The following SEPHS1 variants were observed in gnomAD, a reference collection of about 807,000 sequenced individuals.
SEPHS1 encodes the protein selenophosphate synthetase 1.
Under a neutral mutation model 39.2 loss-of-function variants are expected in SEPHS1, and 7 were observed. The ratio of observed to expected loss-of-function variants is 0.18; its 90% CI spans 0.10 to 0.34. The LOEUF (loss-of-function observed/expected upper bound fraction) is 0.34. Ranked by LOEUF, SEPHS1 falls within the 10% of genes least tolerant of loss-of-function variation. The pLI is 1.00. For missense variants in SEPHS1, 253 were observed against 514.5 expected (o/e 0.49, Z 4.92); for synonymous variants, 190 against 195.5 (o/e 0.97, Z 0.23).
At chr10:13,331,833 C>G (rs1833481120) in intron 5 of SEPHS1, among the ~76,000 whole-genome samples, 1 of 152,342 alleles carries the variant, frequency 6.6e-6, no homozygotes. Flanking sequence ...CAAATCAAAA[C>G]CACAAAGACA....
chr10:13,337,264 C>T (rs1833664471), intron 3 of SEPHS1, among the ~76,000 whole-genome samples: 2 of 152,006 alleles, frequency 1.3e-5, no homozygotes, highest in Non-Finnish European at 2.9e-5. Context: ...GGGCTGAAGT[C>T]ATATTGTTTT....
At chr10:13,325,094 T>G (rs1361447366) in intron 7 of SEPHS1, among the ~76,000 whole-genome samples, 1 of 152,222 alleles carries the variant, frequency 6.6e-6, no homozygotes, top group African/African-American at 2.4e-5. Flanking sequence ...AAAATTTTTC[T>G]CCCAGTCTGT....
chr10:13,333,707 TG>T, intron 5 of SEPHS1, 109 bp downstream of exon 5: 1 of 1,139,644 alleles, frequency 8.8e-7, no homozygotes, highest in Non-Finnish European at 1.3e-6. Context: ...TACCAAAGTC[TG>T]GGATCATATG....
Position 13,328,454 on chromosome 10 carries a change from A to G in SEPHS1, c.652-4T>C, listed in dbSNP as rs1169627751. 2 of 1,588,722 alleles carry G rather than the reference A, an allele frequency of 1.3e-6. No homozygotes were observed. The highest frequency in any genetic ancestry group is 1.7e-6 in the Non-Finnish European group (2 of 1,157,824). ...TAATCTTATTCCATTTCTCAGGCTG[A>G]TAATAGAAATGTAGGTGAGGGAGAG... On this transcript the variant is annotated splice_region_variant and splice_polypyrimidine_tract_variant and intron_variant, in intron 6 of 8. Coordinates refer to ENST00000327347, the MANE Select transcript of SEPHS1 (RefSeq NM_012247.5).
chr10:13,328,706 C>T (rs1833378559), intron 6 of SEPHS1, among the ~76,000 whole-genome samples: 1 of 152,144 alleles, frequency 6.6e-6, no homozygotes, highest in South Asian at 2.1e-4. Flanking sequence ...TATGTGTAGT[C>T]TAGCGGGACA....
At chr10:13,340,583 C>G (rs1833753452) in intron 2 of SEPHS1, 1 of 152,176 alleles carries the variant, frequency 6.6e-6, no homozygotes. Flanking sequence ...AGTTTTCTTT[C>G]AGGCTTCCAT....
chr10:13,322,210 C>T (rs1193565125), intron 8 of SEPHS1: 4 of 344,372 alleles, frequency 1.2e-5, no homozygotes, highest in Middle Eastern at 6.8e-4. Flanking sequence ...GGCGCAATCT[C>T]GGCTCACTGC....
In SEPHS1 at chr10:13,333,980, G is replaced by GC. The variant is rs761832006; in HGVS notation, c.406-10_406-9insG. On this transcript the variant is annotated splice_polypyrimidine_tract_variant and intron_variant, in intron 4 of 8. Transcript: ENST00000327347. Reference sequence around the variant, plus strand: ...ATCACTTTATCCCTTTCCTAAGGTTGAAAAAGGTACAAATAAAAAGTCAAA... The same window carrying GC: ...ATCACTTTATCCCTTTCCTAAGGTTGCAAAAAGGTACAAATAAAAAGTCAAA... The GC allele has an allele frequency of 3.5e-5, 56 of 1,596,272 alleles. No homozygotes were observed. In the African/African-American group the frequency reaches 7.3e-4, roughly 21 times the overall value.
intron 7 of SEPHS1, among the ~76,000 whole-genome samples, chr10:13,325,088 T>C (rs903402916): frequency 1.2e-4 from 18 of 152,308 alleles, no homozygotes; most frequent in African/African-American, 4.3e-4. Context: ...TTTGGCAAAA[T>C]TTTTCTCCCA....
intron 7 of SEPHS1, among the ~76,000 whole-genome samples, chr10:13,326,915 T>C (rs11258328): frequency 2.0e-5 from 3 of 152,198 alleles, no homozygotes; most frequent in Non-Finnish European, 4.4e-5. Flanking sequence ...AAGATAATTG[T>C]GGTACATTTC....
At position 13,329,690 on chromosome 10, in the gene SEPHS1, T is replaced by C; in HGVS notation, c.651+8A>G. 2 of 1,594,346 alleles carry C rather than the reference T, an allele frequency of 1.3e-6. No homozygotes were observed. The highest frequency in any genetic ancestry group is 1.7e-6 in the Non-Finnish European group (2 of 1,169,682). On this transcript the variant is annotated splice_region_variant and intron_variant, in intron 6 of 8. Coordinates refer to ENST00000327347, the MANE Select transcript of SEPHS1 (RefSeq NM_012247.5). ...CCCTCCCTCCCATCACAGCAGTGGT[T>C]TACTCACGATATCCAGCCACTGGTG...
chr10:13,340,992 C>T (rs1833766732), intron 2 of SEPHS1, among the ~76,000 whole-genome samples: 1 of 152,160 alleles, frequency 6.6e-6, no homozygotes, highest in Admixed American at 6.5e-5. Context: ...TATATACATA[C>T]TGAAAAGACA....
At chr10:13,330,840 T>A (rs199685961) in intron 5 of SEPHS1, among the ~76,000 whole-genome samples, 3 of 57,184 alleles carry the variant, frequency 5.2e-5, no homozygotes, top group African/African-American at 1.1e-4. Context: ...TTTTTTTAAA[T>A]TTTTTAAAAT....
Position 13,319,086 on chromosome 10 carries a change from T to A in SEPHS1, c.*56A>T. On this transcript the variant is annotated 3_prime_UTR_variant, in exon 9 of 9. Coordinates refer to ENST00000327347, the MANE Select transcript of SEPHS1 (RefSeq NM_012247.5). ...TGTTGTTTATAGTCTTTAATTGAAG[T>A]GATAAGGGAAATAGATCTATTTAAA... 1 of 1,536,650 alleles carries A rather than the reference T, an allele frequency of 6.5e-7. No individual in the cohort carries two copies. The highest frequency in any genetic ancestry group is 9.0e-7 in the Non-Finnish European group (1 of 1,117,110).
intron 7 of SEPHS1, among the ~76,000 whole-genome samples, chr10:13,327,855 T>TA (rs1156470468): frequency 4.0e-5 from 6 of 151,798 alleles, no homozygotes; most frequent in South Asian, 4.2e-4. Flanking sequence ...ACAAAACAAG[T>TA]AAAAAAAATG....
At chr10:13,321,401 C>G (rs1006994723) in intron 8 of SEPHS1, among the ~76,000 whole-genome samples, 1 of 152,074 alleles carries the variant, frequency 6.6e-6, no homozygotes, top group African/African-American at 2.4e-5. Context: ...GCACACGCCA[C>G]GACGCCCCGC....
Position 13,332,775 on chromosome 10 carries a change from G to A in SEPHS1, c.560+1042C>T, listed in dbSNP as rs148344244. ...GGAGAATGGCATGAACCCGGGAGAT[G>A]GAGCTTGCAGTGAGCCGAGATCATA... On this transcript the variant is annotated intron_variant, in intron 5 of 8. Coordinates refer to ENST00000327347, the MANE Select transcript of SEPHS1 (RefSeq NM_012247.5). Among the ~76,000 whole-genome samples the A allele has an allele frequency of 7.8e-3, 1,182 of 151,568 alleles. 9 individuals carry two copies. The highest frequency in any genetic ancestry group is 0.01 in the Non-Finnish European group (686 of 67,880).
chr10:13,330,684 G>A (rs1254464246), intron 5 of SEPHS1, among the ~76,000 whole-genome samples: 1 of 152,034 alleles, frequency 6.6e-6, no homozygotes, highest in Non-Finnish European at 1.5e-5. Flanking sequence ...CAGCTCCCCA[G>A]CTCAACCTAT....
chr10:13,346,145 C>A (rs7901957), intron 1 of SEPHS1, among the ~76,000 whole-genome samples: 29,756 of 152,178 alleles, frequency 0.2, 5,759 homozygotes, highest in African/African-American at 0.51. Flanking sequence ...TTAAGCCATA[C>A]TAAATCAGCA....
Sources: allele counts gnomAD v4.1 joint callset (sites outside exome capture counted in the v4.1 genomes callset), GRCh38; gene constraint gnomAD v4.1.1; transcripts MANE v1.5; gene names NCBI Gene and HGNC (gene_info 2026-07-23, HGNC 2026-07-21).